The following DOCK7 variants were observed in gnomAD, a reference collection of about 807,000 sequenced individuals.
DOCK7 encodes the protein dedicator of cytokinesis 7, also known as dedicator of cytokinesis protein 7.
Under a neutral mutation model 271.0 loss-of-function variants are expected in DOCK7, and 138 were observed. That is an observed-to-expected ratio of 0.51 (90% confidence interval 0.44 to 0.59). The LOEUF (loss-of-function observed/expected upper bound fraction) is 0.59. Ranked by LOEUF, DOCK7 falls within the 20% of genes least tolerant of loss-of-function variation. DOCK7 has a pLI of 0.00. For missense variants in DOCK7, 2,066 were observed against 2,592.4 expected (o/e 0.80, Z 4.41); for synonymous variants, 823 against 876.1 (o/e 0.94, Z 1.07).
intron 47 of DOCK7, 45 bp downstream of exon 47, chr1:62,475,163 C>A (rs752324764): frequency 1.9e-6 from 3 of 1,546,284 alleles, no homozygotes; most frequent in South Asian, 1.2e-5. Context: ...TATCCCAAAT[C>A]GTATTTACAG....
At chr1:62,563,718 G>A (rs1026746568) in intron 18 of DOCK7, among the ~76,000 whole-genome samples, 15 of 151,672 alleles carry the variant, frequency 9.9e-5, no homozygotes, top group African/African-American at 3.1e-4. Flanking sequence ...GAATGTAAAC[G>A]GGCTAAATGC....
chr1:62,665,922 A>C (rs1466859894), intron 1 of DOCK7, among the ~76,000 whole-genome samples: 1 of 151,896 alleles, frequency 6.6e-6, no homozygotes, highest in Non-Finnish European at 1.5e-5. Flanking sequence ...CCAGCACTTT[A>C]GGAGGCCGAG....
intron 30 of DOCK7, 145 bp downstream of exon 30, chr1:62,529,132 G>T: frequency 2.6e-6 from 2 of 754,956 alleles, no homozygotes; most frequent in Non-Finnish European, 1.9e-6. Context: ...AGGTTTTCTG[G>T]CAATATAGTT....
intron 14 of DOCK7, among the ~76,000 whole-genome samples, chr1:62,589,683 T>A (rs962348514): frequency 2.6e-5 from 4 of 151,700 alleles, no homozygotes; most frequent in Non-Finnish European, 5.9e-5. Flanking sequence ...AATTCAGGAC[T>A]ATAAGGTTTT....
At chr1:62,528,816 A>C (rs1211873655) in intron 30 of DOCK7, among the ~76,000 whole-genome samples, 1 of 152,250 alleles carries the variant, frequency 6.6e-6, no homozygotes, top group African/African-American at 2.4e-5. Flanking sequence ...AGCAAGAGCA[A>C]TAAAACTCTG....
chr1:62,594,520 G>A (rs891813082), intron 14 of DOCK7, among the ~76,000 whole-genome samples: 1 of 151,854 alleles, frequency 6.6e-6, no homozygotes, highest in Non-Finnish European at 1.5e-5. Flanking sequence ...AATATAGAAG[G>A]AAATAATTTC....
At chr1:62,586,309 C>T (rs1647517137) in intron 15 of DOCK7, among the ~76,000 whole-genome samples, 198 bp downstream of exon 15, 1 of 151,926 alleles carries the variant, frequency 6.6e-6, no homozygotes, top group South Asian at 2.1e-4. Flanking sequence ...TCTAGGAGTG[C>T]CTAACATATA....
At chr1:62,553,652 T>C (rs554225869) in intron 21 of DOCK7, among the ~76,000 whole-genome samples, 73 of 151,636 alleles carry the variant, frequency 4.8e-4, no homozygotes, top group Non-Finnish European at 9.6e-4. Flanking sequence ...TGGGAAATGT[T>C]TTTTTTAGAA....
chr1:62,529,305 T>G lies in DOCK7; in HGVS notation c.3753A>C (p.Glu1251Asp). 1 of 1,611,542 alleles carries G rather than the reference T, an allele frequency of 6.2e-7. No homozygotes were observed. The highest frequency in any genetic ancestry group is 1.1e-5 in the South Asian group (1 of 90,438). ...LYLPLIGIIM[E>D]TVPQLYDFTE... is the part of the protein sequence containing the mutation. Reference sequence around the variant, plus strand: ...TAAAATCATACAGCTGAGGTACAGTTTCCATGATAATACCAATCAGAGGTA... The same window carrying G: ...TAAAATCATACAGCTGAGGTACAGTGTCCATGATAATACCAATCAGAGGTA... The change falls in exon 30 of 50, where the codon GAA (glutamate) becomes GAC (aspartate). Residue 1251 changes from glutamate to aspartate, a missense_variant. Physicochemically the swap from Glu to Asp is conservative, Grantham distance 45. Around this residue, in one of 2 missense-constraint regions of DOCK7, gnomAD observed 1,414 missense variants for 1,670.4 expected, o/e 0.85. Coordinates refer to ENST00000635253, the MANE Select transcript of DOCK7 (RefSeq NM_001367561.1).
At chr1:62,545,148 T>C (rs1306025913) in intron 22 of DOCK7, 109 bp from the exon 23 acceptor site, 4 of 1,097,344 alleles carry the variant, frequency 3.6e-6, no homozygotes, top group East Asian at 5.4e-5. Context: ...TGTTTTTAAT[T>C]AGTACTGTTA....
intron 35 of DOCK7, 103 bp from the exon 36 acceptor site, chr1:62,505,919 A>G (rs1646923602): frequency 8.8e-7 from 1 of 1,131,484 alleles, no homozygotes; most frequent in Non-Finnish European, 1.2e-6. Context: ...CTGTATGTAT[A>G]AGTAAAGTTT....
At chr1:62,601,825 T>C (rs778380462) in intron 14 of DOCK7, 14 of 1,610,318 alleles carry the variant, frequency 8.7e-6, no homozygotes, top group Non-Finnish European at 1.1e-5. Flanking sequence ...AAGTGGCATG[T>C]ATGCCATCAG....
chr1:62,559,309 A>G, intron 19 of DOCK7, 89 bp from the exon 20 acceptor site: 2 of 904,410 alleles, frequency 2.2e-6, no homozygotes, highest in Non-Finnish European at 3.3e-6. Context: ...AACATGTCAT[A>G]TTACTTGATA....
intron 18 of DOCK7, among the ~76,000 whole-genome samples, chr1:62,573,538 A>G (rs1646850841): frequency 6.6e-6 from 1 of 152,228 alleles, no homozygotes; most frequent in Non-Finnish European, 1.5e-5. Context: ...TGAATGAAAT[A>G]GGAACTACAT....
At chr1:62,662,779 A>C (rs534165530) in intron 2 of DOCK7, among the ~76,000 whole-genome samples, 1 of 152,132 alleles carries the variant, frequency 6.6e-6, no homozygotes, top group African/African-American at 2.4e-5. Flanking sequence ...AAGAAAAAAA[A>C]GTTCTAAATG....
intron 37 of DOCK7, among the ~76,000 whole-genome samples, chr1:62,500,108 T>C (rs1174427840): frequency 2.6e-5 from 4 of 152,074 alleles, no homozygotes; most frequent in African/African-American, 9.7e-5. Flanking sequence ...TTATCCTATG[T>C]TGAGTAGTAA....
Position 62,505,834 on chromosome 1 carries a change from A to G in DOCK7, c.4477-18T>C, listed in dbSNP as rs770468194. On this transcript the variant is annotated intron_variant, in intron 35 of 49. Coordinates refer to ENST00000635253, the MANE Select transcript of DOCK7 (RefSeq NM_001367561.1). ...GAAACGGTCTGCAATTTAAAAATAA[A>G]CAAATAAAATAGAGATGTACTTGCA... The G allele has an allele frequency of 3.4e-5, 54 of 1,607,146 alleles. No homozygotes were observed. Among genetic ancestry groups the G allele is most frequent in the Non-Finnish European group, 4.6e-5 (54 of 1,177,324 alleles).
intron 21 of DOCK7, among the ~76,000 whole-genome samples, chr1:62,554,861 T>G (rs1361361627): frequency 6.6e-6 from 1 of 152,208 alleles, no homozygotes; most frequent in Non-Finnish European, 1.5e-5. Flanking sequence ...AAATGTCAAT[T>G]GCTTTTCTTT....
At chr1:62,476,791 C>T (rs556905914) in intron 44 of DOCK7, among the ~76,000 whole-genome samples, 1 of 152,180 alleles carries the variant, frequency 6.6e-6, no homozygotes, top group African/African-American at 2.4e-5. Context: ...ACCCCCACTG[C>T]TATCCCAAAG....
Sources: allele counts gnomAD v4.1 joint callset (sites outside exome capture counted in the v4.1 genomes callset), GRCh38; gene constraint gnomAD v4.1.1; regional missense constraint gnomAD v4.1.1; transcripts MANE v1.5; gene names NCBI Gene and HGNC (gene_info 2026-07-23, HGNC 2026-07-21).